Variants in MYO7B observed in about 807,000 individuals in gnomAD.
MYO7B encodes unconventional myosin-VIIb.
MYO7B carries 212 observed loss-of-function variants against 259.7 expected under a neutral mutation model. That is an observed-to-expected ratio of 0.82 (90% CI 0.73 to 0.91). MYO7B has a LOEUF of 0.91. Among genes scored for constraint, MYO7B ranks in the 40% least tolerant of loss-of-function variants. The pLI is 0.00. For synonymous variants in MYO7B, 1,197 were observed against 1,166.4 expected, an observed-to-expected ratio of 1.03 and a Z score of -0.54; for missense variants, 2,732 against 2,813.5, an observed-to-expected ratio of 0.97 and a Z score of 0.66.
chr2:127,581,888 C>G lies in MYO7B; in HGVS notation c.1081-3C>G. On this transcript the variant is annotated splice_region_variant and splice_polypyrimidine_tract_variant and intron_variant, in intron 10 of 47. Transcript: ENST00000409816. Reference sequence around the variant, plus strand: ...GCGACGCAGCCCCCACCTGCCTCCCCAGGTGCAGCACCAGGAGCTCCGGGA... The same window carrying G: ...GCGACGCAGCCCCCACCTGCCTCCCGAGGTGCAGCACCAGGAGCTCCGGGA... The G allele has an allele frequency of 1.2e-6, 2 of 1,613,662 alleles. No homozygotes were observed. Among genetic ancestry groups the G allele is most frequent in the Non-Finnish European group, 1.7e-6 (2 of 1,179,832 alleles).
intron 19 of MYO7B, among the ~76,000 whole-genome samples, chr2:127,602,023 A>ATTTTAT (rs1177425142): frequency 1.3e-5 from 2 of 152,038 alleles, no homozygotes; most frequent in African/African-American, 4.8e-5. Flanking sequence ...CAAGTCTGCC[A>ATTTTAT]TTTTATTTTT....
At chr2:127,629,613 G>T in intron 34 of MYO7B, 32 bp from the exon 35 acceptor site, 2 of 1,598,810 alleles carry the variant, frequency 1.3e-6, no homozygotes, top group Admixed American at 1.7e-5. Flanking sequence ...CCCCTGCAGA[G>T]CCCTCAGCAA....
intron 1 of MYO7B, among the ~76,000 whole-genome samples, chr2:127,542,581 G>T (rs1270587719): frequency 1.3e-5 from 2 of 152,214 alleles, no homozygotes; most frequent in African/African-American, 4.8e-5. Flanking sequence ...AGGATGAAGG[G>T]GTGGCCAGCC....
At chr2:127,549,302 TTATC>T (rs1232424832) in intron 1 of MYO7B, among the ~76,000 whole-genome samples, 2 of 152,198 alleles carry the variant, frequency 1.3e-5, no homozygotes, top group African/African-American at 4.8e-5. Flanking sequence ...TACTTTTAAT[TTATC>T]TATGTCTTTA....
chr2:127,629,551 C>G lies in MYO7B; in HGVS notation c.4625-94C>G, dbSNP rs917267916. ...GTCTTCTGCCCACCACTCTATGCCT[C>G]GGTTTCATCTGTCAAAGGAGATGAC... On this transcript the variant is annotated intron_variant, in intron 34 of 47. Transcript: ENST00000409816. The G allele has an allele frequency of 2.4e-6, 3 of 1,260,898 alleles. No homozygotes were observed. In the African/African-American group the frequency reaches 4.6e-5, roughly 19 times the overall value. 78.1% of individuals were successfully genotyped at this position (1,260,898 alleles called of 1,614,324 possible).
intron 16 of MYO7B, 119 bp from the exon 17 acceptor site, chr2:127,592,675 C>CG: frequency 2.5e-6 from 3 of 1,201,242 alleles, no homozygotes; most frequent in Non-Finnish European, 2.2e-6. Flanking sequence ...GTGGGCGGGG[C>CG]GGGGGGCTGG....
intron 31 of MYO7B, 107 bp downstream of exon 31, chr2:127,625,642 C>T: frequency 1.6e-6 from 2 of 1,232,918 alleles, no homozygotes; most frequent in Non-Finnish European, 2.1e-6. Context: ...ACCCCCACCC[C>T]CTGGGGAACA....
At chr2:127,562,166 T>G (rs992720564) in intron 2 of MYO7B, among the ~76,000 whole-genome samples, 7 of 152,178 alleles carry the variant, frequency 4.6e-5, no homozygotes, top group Non-Finnish European at 7.3e-5. Flanking sequence ...TCTGCAAATA[T>G]GGTCATGTCA....
At chr2:127,635,681 G>A (rs754817055) in intron 43 of MYO7B, 41 bp from the exon 44 acceptor site, 18 of 1,554,284 alleles carry the variant, frequency 1.2e-5, no homozygotes, top group African/African-American at 9.5e-5. Flanking sequence ...CGGGTGGGCC[G>A]CAGCTGGAGA....
chr2:127,593,564 C>G lies in MYO7B; in HGVS notation c.2164C>G (p.Gln722Glu), dbSNP rs762695434. 4 of 1,613,320 alleles carry G rather than the reference C, an allele frequency of 2.5e-6. No individual in the cohort carries two copies. The highest frequency in any genetic ancestry group is 2.5e-6 in the Non-Finnish European group (3 of 1,179,606). ...TTGGCAGCTGCAAGGCAAGCTCCGC[C>G]AGATGACCCTGGGCATCACTGACGT... Reference protein sequence around the residue: ...MRMQLQGKLRQMTLGITDVWL... With the variant: ...MRMQLQGKLREMTLGITDVWL... Residue 722 changes from glutamine (Q) to glutamate (E), a missense_variant, in exon 18 of 48, where the codon CAG (glutamine) becomes GAG (glutamate). Transcript: ENST00000409816.
At chr2:127,608,637 TG>T in intron 21 of MYO7B, 70 bp from the exon 22 acceptor site, 1 of 1,502,804 alleles carries the variant, frequency 6.7e-7, no homozygotes, top group Non-Finnish European at 9.0e-7. Flanking sequence ...GCTTGCCCTG[TG>T]GGGTAGGCAG....
chr2:127,552,691 G>C (rs933404914), intron 1 of MYO7B, among the ~76,000 whole-genome samples: 6 of 152,110 alleles, frequency 3.9e-5, no homozygotes, highest in Non-Finnish European at 5.9e-5. Flanking sequence ...AGGAGGGCAG[G>C]ACCACGGGTG....
At position 127,637,719 on chromosome 2, in the gene MYO7B, GAGC is replaced by G. The variant is rs1255543082; in HGVS notation, c.*305_*307del. ...CCAGAATGTTCAATAAAAACTCCTGGAGCAGGAGAAGTGTGTCTGTCTGAGGGA... is the reference window on the plus strand; with the variant it reads ...CCAGAATGTTCAATAAAAACTCCTGGAGGAGAAGTGTGTCTGTCTGAGGGA... On this transcript the variant is annotated 3_prime_UTR_variant, in exon 48 of 48. Transcript: ENST00000409816. 3.0e-6 allele frequency: 1 copy of G among 330,970 alleles called. No homozygotes were observed. The highest frequency in any genetic ancestry group is 5.5e-6 in the Non-Finnish European group (1 of 180,960). The allele number at this position is 330,970 out of a possible 1,614,324, so 20.5% of individuals were successfully genotyped here.
chr2:127,629,530 T>A, intron 34 of MYO7B, 115 bp from the exon 35 acceptor site: 1 of 1,049,316 alleles, frequency 9.5e-7, no homozygotes, highest in Non-Finnish European at 1.4e-6. Flanking sequence ...GGAGTGGTCT[T>A]CTGCCCACCA....
At chr2:127,550,011 T>C (rs1236157864) in intron 1 of MYO7B, among the ~76,000 whole-genome samples, 4 of 152,188 alleles carry the variant, frequency 2.6e-5, no homozygotes, top group Admixed American at 2.6e-4. Flanking sequence ...GGACCATAGC[T>C]CCTGGTACTT....
rs1553458852 is a variant in MYO7B at position 127,632,364 on chromosome 2, G to C, written c.5368G>C (p.Ala1790Pro). 1 of 1,587,542 alleles carries C rather than the reference G, an allele frequency of 6.3e-7. No homozygotes were observed. The highest frequency in any genetic ancestry group is 8.6e-7 in the Non-Finnish European group (1 of 1,166,388). Residue 1790 changes from alanine to proline, a missense_variant, in exon 39 of 48, where the codon GCC becomes CCC. By Grantham distance (27) the Ala-to-Pro change is conservative (BLOSUM62 -1). Coordinates refer to ENST00000409816, the MANE Select transcript of MYO7B (RefSeq NM_001393586.1). Reference protein sequence around the residue: ...FIDTRRGKLLAPDCSRRIQKV... With the variant: ...FIDTRRGKLLPPDCSRRIQKV... ...AGACACTCGGAGGGGGAAGCTGCTG[G>C]CCCCCGACTGCAGCCGCCGAATCCA... is the stretch of plus-strand genomic sequence containing the variant.
Position 127,596,576 on chromosome 2 carries a change from GCCCA to G in MYO7B, c.2339+25_2339+28del. On this transcript the variant is annotated intron_variant, in intron 19 of 47. Coordinates refer to ENST00000409816, the MANE Select transcript of MYO7B (RefSeq NM_001393586.1). ...ATACAGGTGCCGGCCCCACCCCAAG[GCCCA>G]CCCAGCCTACTCCTGCCCACAGTGT... is the stretch of plus-strand genomic sequence containing the variant. The G allele has an allele frequency of 6.3e-7, 1 of 1,585,194 alleles. No homozygotes were observed. Among genetic ancestry groups the G allele is most frequent in the Non-Finnish European group, 8.6e-7 (1 of 1,162,160 alleles).
At chr2:127,541,286 T>G (rs1246216268) in intron 1 of MYO7B, among the ~76,000 whole-genome samples, 2 of 151,786 alleles carry the variant, frequency 1.3e-5, no homozygotes, top group Non-Finnish European at 2.9e-5. Context: ...GTCATCTTCT[T>G]GATGCTGTCT....
chr2:127,609,508 T>A lies in MYO7B; in HGVS notation c.2817T>A (p.Asp939Glu). Residue 939 changes from aspartate to glutamate, a missense_variant and splice_region_variant, in exon 23 of 48, where the codon GAT (aspartate) becomes GAA (glutamate). Physicochemically the swap from Asp to Glu is conservative, Grantham distance 45. Transcript: ENST00000409816. The surrounding 1 kb of genome is among the most constrained non-coding windows in gnomAD (Gnocchi z 6.9). ...QEGQASPHFE[D>E]LESKTQKLLE... Reference sequence around the variant, plus strand: ...GTGTTCTCCCTCAATGGCCGTAGGATCTGGAATCGAAGACCCAGAAGCTGC... The same window carrying A: ...GTGTTCTCCCTCAATGGCCGTAGGAACTGGAATCGAAGACCCAGAAGCTGC... 6.2e-7 allele frequency: 1 copy of A among 1,611,112 alleles called. No individual in the cohort carries two copies. The highest frequency in any genetic ancestry group is 8.5e-7 in the Non-Finnish European group (1 of 1,178,548).
Sources: allele counts gnomAD v4.1 joint callset (sites outside exome capture counted in the v4.1 genomes callset), GRCh38; gene constraint gnomAD v4.1.1; non-coding constraint Gnocchi (gnomAD v3.1); transcripts MANE v1.5; gene names NCBI Gene and HGNC (gene_info 2026-07-23, HGNC 2026-07-21).